Variants in ESPNL observed in about 807,000 individuals in gnomAD.
ESPNL encodes espin like.
ESPNL carries 49 observed loss-of-function variants against 46.8 expected under a neutral mutation model. That is an observed-to-expected ratio of 1.05 (90% confidence interval 0.83 to 1.33). The LOEUF (loss-of-function observed/expected upper bound fraction) is 1.33. Ranked by LOEUF, ESPNL falls within the 40% of genes most tolerant of loss-of-function variation. The probability of loss-of-function intolerance (pLI) is 0.00; values close to 1 mark genes in which losing one functional copy is unlikely to be tolerated. For synonymous variants in ESPNL, 664 were observed against 662.1 expected, an observed-to-expected ratio of 1.00 and a Z score of -0.04; for missense variants, 1,540 against 1,436.6, an observed-to-expected ratio of 1.07 and a Z score of -1.16.
rs780506562 is a variant in ESPNL at position 238,131,715 on chromosome 2, T to C, written c.3001T>C (p.Phe1001Leu). ...CTGGAAGGAGAAGGAAGCTGAGATG[T>C]TCAACTTTGGAGAATGACCCTACTG... ...AFWKEKEAEM[F>L]NFGE Residue 1001 changes from phenylalanine (F) to leucine (L), a missense_variant, in exon 9 of 9, where the codon TTC becomes CTC. Transcript: ENST00000343063. The C allele has an allele frequency of 7.6e-5, 120 of 1,586,048 alleles. No homozygotes were observed. In the South Asian group the frequency reaches 1.3e-3, roughly 17 times the overall value.
intron 3 of ESPNL, among the ~76,000 whole-genome samples, chr2:238,106,498 G>A (rs370697482): frequency 5.3e-5 from 8 of 152,260 alleles, no homozygotes; most frequent in African/African-American, 1.4e-4. Context: ...CTGCAAGTGC[G>A]CCCCTCCCCA....
chr2:238,128,912 C>T lies in ESPNL; in HGVS notation c.1413+8C>T, dbSNP rs1362083225. On this transcript the variant is annotated splice_region_variant and intron_variant, in intron 8 of 8. Transcript: ENST00000343063. ...AGCTCCGCAGAGGCCCAGGTAGGCC[C>T]CCGGCAGGGGCGGGACCAGTGGGCG... is the stretch of plus-strand genomic sequence containing the variant. The T allele has an allele frequency of 1.4e-5, 21 of 1,534,546 alleles. No homozygotes were observed. The highest frequency in any genetic ancestry group is 3.9e-5 in the Admixed American group (2 of 50,766).
At chr2:238,126,484 GTGTCTGTTC>G (rs1267832246) in intron 6 of ESPNL, among the ~76,000 whole-genome samples, 1 of 150,434 alleles carries the variant, frequency 6.6e-6, no homozygotes, top group Non-Finnish European at 1.5e-5. Context: ...GTGTGATTGT[GTGTCTGTTC>G]TGTCTGTTTC....
In ESPNL at chr2:238,130,584, C is replaced by A. The variant is rs745459693; in HGVS notation, c.1870C>A (p.Pro624Thr). Residue 624 changes from proline to threonine, a missense_variant, in exon 9 of 9, where the codon CCC (proline) becomes ACC (threonine). By Grantham distance (38) the Pro-to-Thr change is conservative. Coordinates refer to ENST00000343063, the MANE Select transcript of ESPNL (RefSeq NM_194312.4). ...VQGDEKPSTR[P>T]LQDTCREASA... is the part of the protein sequence containing the mutation. ...GGGGGATGAGAAGCCATCCACCCGG[C>A]CCCTGCAGGACACCTGCAGGGAGGC... is the stretch of plus-strand genomic sequence containing the variant. 7.0e-6 allele frequency: 11 copies of A among 1,573,196 alleles called. No individual in the cohort carries two copies. Among genetic ancestry groups the A allele is most frequent in the Admixed American group, 1.9e-5 (1 of 53,488 alleles).
At chr2:238,101,901 G>A (rs144532909) in intron 1 of ESPNL, 40 bp from the exon 2 acceptor site, 16 of 1,523,492 alleles carry the variant, frequency 1.1e-5, no homozygotes, top group Middle Eastern at 4.1e-4. Context: ...CTGACCTCAC[G>A]GCCTACCCCC....
chr2:238,103,576 G>A (rs1221078485), intron 2 of ESPNL, among the ~76,000 whole-genome samples: 1 of 152,234 alleles, frequency 6.6e-6, no homozygotes, highest in Non-Finnish European at 1.5e-5. Context: ...CCCCTGGCCA[G>A]ACCATGCCCC....
chr2:238,108,865 G>A (rs746835357), intron 4 of ESPNL, among the ~76,000 whole-genome samples: 3 of 152,082 alleles, frequency 2.0e-5, no homozygotes, highest in Admixed American at 6.5e-5. Context: ...CGGTGCAGCC[G>A]CAGAGCCATC....
intron 2 of ESPNL, among the ~76,000 whole-genome samples, chr2:238,103,471 ACACACACG>A (rs769910137): frequency 3.3e-5 from 5 of 152,168 alleles, no homozygotes; most frequent in African/African-American, 4.8e-5. Context: ...TAATATGCAC[ACACACACG>A]CACACACGCA....
At chr2:238,124,365 T>C (rs1692051360) in intron 5 of ESPNL, among the ~76,000 whole-genome samples, 1 of 152,176 alleles carries the variant, frequency 6.6e-6, no homozygotes, top group African/African-American at 2.4e-5. Flanking sequence ...GGGCTGCCCA[T>C]GCCCTCGGCT....
rs753772292 is a variant in ESPNL, at chr2:238,131,025, G to A, written c.2311G>A (p.Ala771Thr). 4.1e-4 allele frequency: 629 copies of A among 1,539,202 alleles called. No individual in the cohort carries two copies. The highest frequency in any genetic ancestry group is 4.9e-4 in the Non-Finnish European group (566 of 1,143,514). The change falls in exon 9 of 9, where the codon GCG (alanine) becomes ACG (threonine). Residue 771 changes from alanine (A) to threonine (T), a missense_variant. Transcript: ENST00000343063. ...CTGCAGGACCCTAGGAGCCCGCCAC[G>A]CGGGGTTGCGGGGCCAGGAGGCCGC... ...VACRTLGARH[A>T]GLRGQEAARS...
chr2:238,116,948 G>T lies in ESPNL; in HGVS notation c.901G>T (p.Asp301Tyr). ...VSHHVDPSLRDEDGYTAADLA... is the reference protein window; with the variant it reads ...VSHHVDPSLRYEDGYTAADLA... ...CCACCACGTGGACCCCTCCCTGCGGGATGAAGATGGTTACACGGCGGCAGA... is the reference window on the plus strand; with the variant it reads ...CCACCACGTGGACCCCTCCCTGCGGTATGAAGATGGTTACACGGCGGCAGA... The change falls in exon 5 of 9, where the codon GAT (aspartate) becomes TAT (tyrosine). Residue 301 changes from aspartate (D) to tyrosine (Y), a missense_variant. Asp to Tyr is a radical substitution (Grantham distance 160). Coordinates refer to ENST00000343063, the MANE Select transcript of ESPNL (RefSeq NM_194312.4). 2 of 1,612,716 alleles carry T rather than the reference G, an allele frequency of 1.2e-6. No homozygotes were observed. Among genetic ancestry groups the T allele is most frequent in the East Asian group, 4.5e-5 (2 of 44,882 alleles).
At chr2:238,126,160 CTGTG>C (rs1203432613) in intron 6 of ESPNL, among the ~76,000 whole-genome samples, 2 of 147,742 alleles carry the variant, frequency 1.4e-5, no homozygotes, top group Admixed American at 6.7e-5. Flanking sequence ...CTGTGTGCAT[CTGTG>C]TGTGATTGTG....
intron 5 of ESPNL, among the ~76,000 whole-genome samples, chr2:238,122,465 C>T (rs1036073395): frequency 6.6e-6 from 1 of 152,156 alleles, no homozygotes; most frequent in South Asian, 2.1e-4. Flanking sequence ...CAGGGGGTGG[C>T]GTCCCGGGCT....
chr2:238,131,675 C>T lies in ESPNL; in HGVS notation c.2961C>T (p.Asn987=), dbSNP rs962068461. Residue 987 remains asparagine, a synonymous_variant, in exon 9 of 9, where the codon AAC becomes AAT. Coordinates refer to ENST00000343063, the MANE Select transcript of ESPNL (RefSeq NM_194312.4). The stretch of plus-strand genomic sequence containing the variant: ...GTGAGGACATCTGCGGCTACATCAA[C>T]CGCAGCTTTGCCTTCTGGAAGGAGA... The part of the protein sequence containing the change: ...FNGEDICGYI[N]RSFAFWKEKE... 1.6e-5 allele frequency: 25 copies of T among 1,600,436 alleles called. No homozygotes were observed. The highest frequency in any genetic ancestry group is 1.9e-5 in the Non-Finnish European group (22 of 1,169,886).
intron 6 of ESPNL, among the ~76,000 whole-genome samples, chr2:238,125,739 C>G (rs1374941186): frequency 1.3e-5 from 2 of 151,082 alleles, no homozygotes; most frequent in African/African-American, 4.9e-5. Flanking sequence ...ACGCTGTGGG[C>G]CACCACCATT....
At chr2:238,124,632 T>C (rs576869348) in intron 5 of ESPNL, among the ~76,000 whole-genome samples, 5 of 151,082 alleles carry the variant, frequency 3.3e-5, no homozygotes, top group African/African-American at 1.2e-4. Context: ...TGCGTGTGTG[T>C]GCAGGAGAGT....
At chr2:238,118,977 GTTAA>G (rs1691904213) in intron 5 of ESPNL, among the ~76,000 whole-genome samples, 1 of 138,678 alleles carries the variant, frequency 7.2e-6, no homozygotes, top group African/African-American at 2.8e-5. Flanking sequence ...ATGGAGGAGG[GTTAA>G]TGGAGGAGGA....
rs148472724 is a variant in ESPNL, at chr2:238,115,942, G to A, written c.856-961G>A. ...CCGCCTTGGCCTCCTCAAGTGCTGG[G>A]ATTACGGGCATGAGCCACTGCGCCC... On this transcript the variant is annotated intron_variant, in intron 4 of 8. Coordinates refer to ENST00000343063, the MANE Select transcript of ESPNL (RefSeq NM_194312.4). Among the ~76,000 whole-genome samples the A allele has an allele frequency of 5.1e-3, 778 of 152,324 alleles. 13 individuals carry two copies. The highest frequency in any genetic ancestry group is 0.018 in the African/African-American group (734 of 41,564).
intron 6 of ESPNL, 41 bp from the exon 7 acceptor site, chr2:238,127,581 A>G (rs1559267466): frequency 1.9e-6 from 3 of 1,547,410 alleles, no homozygotes; most frequent in Admixed American, 1.9e-5. Context: ...TCTGCTCCCC[A>G]GCCCTTGCCC....
Sources: allele counts gnomAD v4.1 joint callset (sites outside exome capture counted in the v4.1 genomes callset), GRCh38; gene constraint gnomAD v4.1.1; transcripts MANE v1.5; gene names NCBI Gene and HGNC (gene_info 2026-07-23, HGNC 2026-07-21).